ST6GALNAC3: variants seen among roughly 807,000 people sequenced by gnomAD.
ST6GALNAC3 encodes the protein alpha-N-acetylgalactosaminide alpha-2,6-sialyltransferase 3.
Under a neutral mutation model 32.7 loss-of-function variants are expected in ST6GALNAC3, and 25 were observed. That is an observed-to-expected ratio of 0.76 (90% CI 0.56 to 1.07). The LOEUF (loss-of-function observed/expected upper bound fraction) is 1.07. Ranked by LOEUF, ST6GALNAC3 falls within the 50% of genes least tolerant of loss-of-function variation. The pLI, the probability that ST6GALNAC3 is intolerant of heterozygous loss-of-function variation, is 0.00. For synonymous variants in ST6GALNAC3, 129 were observed against 133.1 expected (o/e 0.97, Z 0.21); for missense variants, 355 against 382.4 (o/e 0.93, Z 0.60).
chr1:76,130,464 G>A (rs936587722), intron 1 of ST6GALNAC3, among the ~76,000 whole-genome samples: 13 of 152,200 alleles, frequency 8.5e-5, no homozygotes, highest in Non-Finnish European at 5.9e-5. Flanking sequence ...ACTAGGCCAT[G>A]CCTTCAGCTA....
At chr1:76,185,596 C>T (rs372841076) in intron 1 of ST6GALNAC3, among the ~76,000 whole-genome samples, 14 of 152,162 alleles carry the variant, frequency 9.2e-5, no homozygotes, top group African/African-American at 1.9e-4. Context: ...CATTTGCCCA[C>T]GACCTCCTGG....
intron 3 of ST6GALNAC3, among the ~76,000 whole-genome samples, chr1:76,558,089 T>C (rs1361083474): frequency 6.6e-6 from 1 of 152,006 alleles, no homozygotes; most frequent in Non-Finnish European, 1.5e-5. Flanking sequence ...AAACAAAAAG[T>C]AGCCAACATT....
intron 1 of ST6GALNAC3, among the ~76,000 whole-genome samples, chr1:76,113,832 C>T (rs1231515192): frequency 6.9e-6 from 1 of 145,774 alleles, no homozygotes; most frequent in Non-Finnish European, 1.5e-5. Flanking sequence ...AATGAAGTAT[C>T]TTTTTTTTTT....
chr1:76,232,330 C>T (rs764751821), intron 1 of ST6GALNAC3, among the ~76,000 whole-genome samples: 1 of 152,142 alleles, frequency 6.6e-6, no homozygotes, highest in Non-Finnish European at 1.5e-5. Flanking sequence ...GCTAGGCTTA[C>T]CCTGGTGGTG....
intron 3 of ST6GALNAC3, among the ~76,000 whole-genome samples, chr1:76,441,104 A>AAAAT (rs1418508583): frequency 6.6e-6 from 1 of 151,570 alleles, no homozygotes; most frequent in Non-Finnish European, 1.5e-5. Context: ...AAAAAAAAAA[A>AAAAT]AAAATAAGAG....
intron 3 of ST6GALNAC3, among the ~76,000 whole-genome samples, chr1:76,620,186 A>G (rs1229838748): frequency 6.6e-6 from 1 of 152,094 alleles, no homozygotes; most frequent in African/African-American, 2.4e-5. Flanking sequence ...AGCTTGATAT[A>G]TAAGATTGAA....
intron 1 of ST6GALNAC3, among the ~76,000 whole-genome samples, chr1:76,244,332 G>C (rs1477433386): frequency 6.6e-6 from 1 of 151,962 alleles, no homozygotes; most frequent in Non-Finnish European, 1.5e-5. Context: ...GCTTATCAGC[G>C]TAAGGAGTTT....
intron 3 of ST6GALNAC3, among the ~76,000 whole-genome samples, chr1:76,531,433 T>C (rs1663247780): frequency 1.3e-5 from 2 of 152,202 alleles, no homozygotes; most frequent in African/African-American, 4.8e-5. Flanking sequence ...TTAATGGGTT[T>C]ATGCCATATG....
chr1:76,187,190 A>T (rs1278383354), intron 1 of ST6GALNAC3, among the ~76,000 whole-genome samples: 1 of 152,220 alleles, frequency 6.6e-6, no homozygotes, highest in East Asian at 1.9e-4. Context: ...ATTGAAATAA[A>T]TTACTGCCTT....
At chr1:76,620,087 A>AT (rs1290283443) in intron 3 of ST6GALNAC3, among the ~76,000 whole-genome samples, 1 of 152,062 alleles carries the variant, frequency 6.6e-6, no homozygotes, top group Non-Finnish European at 1.5e-5. Flanking sequence ...GATTGGGGCA[A>AT]TTTGGTTTTC....
chr1:76,307,981 A>C, intron 1 of ST6GALNAC3: 1 of 467,652 alleles, frequency 2.1e-6, no homozygotes. Context: ...TTTTTGCAGC[A>C]CAGAGGGGAT....
At chr1:76,577,477 T>C in intron 3 of ST6GALNAC3, 1 of 207,228 alleles carries the variant, frequency 4.8e-6, no homozygotes, top group Non-Finnish European at 8.4e-6. Flanking sequence ...TTCATAGATA[T>C]AATACCATTT....
chr1:76,592,498 ACTGT>A (rs1214154157), intron 3 of ST6GALNAC3, among the ~76,000 whole-genome samples: 2 of 152,110 alleles, frequency 1.3e-5, no homozygotes, highest in African/African-American at 4.8e-5. Flanking sequence ...GCATGAGGGA[ACTGT>A]CCTGATGGAG....
chr1:76,519,228 A>T (rs1662364201), intron 3 of ST6GALNAC3, among the ~76,000 whole-genome samples: 2 of 152,064 alleles, frequency 1.3e-5, no homozygotes, highest in Admixed American at 6.6e-5. Context: ...CCTATTAGAT[A>T]AAGCTTCCTG....
intron 3 of ST6GALNAC3, among the ~76,000 whole-genome samples, chr1:76,614,907 G>GGCTA (rs1648196204): frequency 6.6e-6 from 1 of 151,956 alleles, no homozygotes. Context: ...GGGGGGTAGG[G>GGCTA]GCTAGGGTTC....
At chr1:76,545,657 CTT>C (rs35495132) in intron 3 of ST6GALNAC3, among the ~76,000 whole-genome samples, 29,428 of 134,648 alleles carry the variant, frequency 0.22, 2,868 homozygotes, top group South Asian at 0.26. Flanking sequence ...GATGAAGAAA[CTT>C]TTTTTTTTTT....
intron 1 of ST6GALNAC3, among the ~76,000 whole-genome samples, chr1:76,157,544 G>A (rs1651536393): frequency 6.6e-6 from 1 of 152,168 alleles, no homozygotes; most frequent in Non-Finnish European, 1.5e-5. Flanking sequence ...CACTTAAATA[G>A]CACCTTTTTC....
At chr1:76,120,339 C>T (rs569931715) in intron 1 of ST6GALNAC3, among the ~76,000 whole-genome samples, 5 of 152,258 alleles carry the variant, frequency 3.3e-5, no homozygotes, top group South Asian at 4.1e-4. Context: ...CTAAGTGCTG[C>T]TCTCTGCATT....
At chr1:76,515,515 AG>A (rs1662120902) in intron 3 of ST6GALNAC3, among the ~76,000 whole-genome samples, 1 of 152,060 alleles carries the variant, frequency 6.6e-6, no homozygotes, top group African/African-American at 2.4e-5. Flanking sequence ...GTTATTTATC[AG>A]GAATCTTCCT....
Sources: allele counts gnomAD v4.1 joint callset (sites outside exome capture counted in the v4.1 genomes callset), GRCh38; gene constraint gnomAD v4.1.1; transcripts MANE v1.5; gene names NCBI Gene and HGNC (gene_info 2026-07-23, HGNC 2026-07-21).